NHS: variants seen among roughly 807,000 people sequenced by gnomAD.
NHS encodes the protein NHS actin remodeling regulator, also known as actin remodeling regulator NHS.
In NHS, 5 loss-of-function variants were observed where a neutral mutation model predicts 72.5. The ratio of observed to expected loss-of-function variants is 0.07; its 90% CI spans 0.04 to 0.14. The LOEUF is 0.14. Among genes scored for constraint, NHS ranks in the 10% least tolerant of loss-of-function variants. The pLI is 1.00. For synonymous variants in NHS, 464 were observed against 547.7 expected (o/e 0.85, Z 2.13); for missense variants, 1,072 against 1,355.7 (o/e 0.79, Z 3.29).
chrX:17,610,560 T>C (rs2065705871), intron 1 of NHS, among the ~76,000 whole-genome samples: 1 of 112,076 alleles, frequency 8.9e-6, no homozygotes, highest in South Asian at 3.7e-4. Context: ...GGTCATCCTT[T>C]AGTGCTGCCA....
intron 1 of NHS, among the ~76,000 whole-genome samples, chrX:17,437,990 A>G (rs1440216011): frequency 8.9e-6 from 1 of 112,271 alleles, no homozygotes; most frequent in Non-Finnish European, 1.9e-5. Flanking sequence ...ATCATGCTGT[A>G]TGTGATAAAT....
Position 17,728,060 on chromosome X carries a change from A to G in NHS, c.3954A>G (p.Glu1318=). Residue 1318 remains glutamate, a synonymous_variant, in exon 7 of 9, where the codon GAA becomes GAG. Coordinates refer to ENST00000676302, the MANE Select transcript of NHS (RefSeq NM_001291867.2). ...SAGLEEVAQP[E]SVDVITSQSD... ...GTCTGGAGGAAGTTGCACAACCTGA[A>G]TCTGTGGATGTAATCACATCTCAGT... 8.3e-7 allele frequency: 1 copy of G among 1,211,721 alleles called. No homozygotes were observed. The highest frequency in any genetic ancestry group is 3.0e-5 in the East Asian group (1 of 33,844).
At chrX:17,555,172 C>T (rs768963972) in intron 1 of NHS, among the ~76,000 whole-genome samples, 1 of 109,064 alleles carries the variant, frequency 9.2e-6, no homozygotes, top group Non-Finnish European at 1.9e-5. Flanking sequence ...TGTGTTGATG[C>T]TGAGGGGGAC....
intron 1 of NHS, among the ~76,000 whole-genome samples, chrX:17,438,115 T>C (rs958451111): frequency 9.8e-5 from 11 of 112,473 alleles, no homozygotes; most frequent in African/African-American, 3.2e-4. Flanking sequence ...TTTGAAACTT[T>C]AGTGCATATG....
At chrX:17,708,966 A>G (rs759416241) in intron 3 of NHS, among the ~76,000 whole-genome samples, 1 of 111,342 alleles carries the variant, frequency 9.0e-6, no homozygotes, top group South Asian at 3.9e-4. Flanking sequence ...CTTTATGACA[A>G]TATCAGGGTA....
chrX:17,568,991 G>A (rs1373311337), intron 1 of NHS, among the ~76,000 whole-genome samples: 2 of 111,118 alleles, frequency 1.8e-5, no homozygotes, highest in African/African-American at 6.6e-5. Flanking sequence ...CAAAGGACAG[G>A]AACTCATCCT....
At chrX:17,660,993 T>C (rs1256270124) in intron 1 of NHS, among the ~76,000 whole-genome samples, 1 of 112,019 alleles carries the variant, frequency 8.9e-6, no homozygotes, top group African/African-American at 3.2e-5. Context: ...AGCAAGACTA[T>C]TATATTAATA....
chrX:17,564,577 A>G (rs60702547), intron 1 of NHS, among the ~76,000 whole-genome samples: 11,601 of 112,041 alleles, frequency 0.1, 1,477 homozygotes, highest in African/African-American at 0.35. Flanking sequence ...GCATGCTACA[A>G]TTGGCAATGT....
rs747742134 is a variant in NHS, at chrX:17,725,545, C to T, written c.1439C>T (p.Ala480Val). The part of the protein sequence containing the change: ...QSIAASLSHS[A>V]GNISALADKG... ...ATTGCAGCTTCCCTTTCTCATTCTG[C>T]TGGCAACATTTCTGCCCTAGCAGAC... is the stretch of plus-strand genomic sequence containing the variant. The change falls in exon 7 of 9, where the codon GCT becomes GTT. Residue 480 changes from alanine (A) to valine (V), a missense_variant. Physicochemically the swap from Ala to Val is moderately conservative, Grantham distance 64. Transcript: ENST00000676302. 1 of 1,211,922 alleles carries T rather than the reference C, an allele frequency of 8.3e-7. No homozygotes were observed. The highest frequency in any genetic ancestry group is 1.8e-5 in the South Asian group (1 of 56,982).
intron 1 of NHS, among the ~76,000 whole-genome samples, chrX:17,503,422 A>C (rs2065044239): frequency 8.9e-6 from 1 of 112,119 alleles, no homozygotes; most frequent in Non-Finnish European, 1.9e-5. Flanking sequence ...GTGTCAGGTC[A>C]TGTCCTGTGT....
At chrX:17,719,116 AAGG>A in intron 3 of NHS, 1 of 311,845 alleles carries the variant, frequency 3.2e-6, no homozygotes. Flanking sequence ...GGAAGGAAAG[AAGG>A]AAGAAATAAG....
chrX:17,541,949 T>C (rs2065266340), intron 1 of NHS, among the ~76,000 whole-genome samples: 1 of 111,921 alleles, frequency 8.9e-6, no homozygotes, highest in East Asian at 2.8e-4. Flanking sequence ...TCGCCTTGCT[T>C]AGCTCTTGCC....
chrX:17,470,143 A>T (rs1340076989), intron 1 of NHS, among the ~76,000 whole-genome samples: 1 of 110,316 alleles, frequency 9.1e-6, no homozygotes, highest in Non-Finnish European at 1.9e-5. Flanking sequence ...GCGTGTTCTT[A>T]TCCCTATTTA....
chrX:17,465,629 A>T (rs1249511579), intron 1 of NHS, among the ~76,000 whole-genome samples: 1 of 110,973 alleles, frequency 9.0e-6, no homozygotes, highest in Non-Finnish European at 1.9e-5. Flanking sequence ...AAAAAAAAAA[A>T]AAAATTACTC....
In NHS at chrX:17,490,033, C is replaced by G. The variant is rs146122713; in HGVS notation, c.565+113711C>G. Among the ~76,000 whole-genome samples the G allele has an allele frequency of 4.7e-3, 525 of 111,687 alleles. 3 individuals are homozygous for G. Among genetic ancestry groups the G allele is most frequent in the Middle Eastern group, 0.019 (4 of 216 alleles). ...TAGATTCTAGATATTAGCCCTTTGT[C>G]AGATCAATAGATTACAAAAATGTTC... On this transcript the variant is annotated intron_variant, in intron 1 of 8. Transcript: ENST00000676302.
chrX:17,435,645 A>G (rs982615626), intron 1 of NHS, among the ~76,000 whole-genome samples: 37 of 113,186 alleles, frequency 3.3e-4, no homozygotes, highest in African/African-American at 1.2e-3. Flanking sequence ...GCCAAAGGGC[A>G]AGCCCTGCTC....
chrX:17,562,518 A>T (rs1372335789), intron 1 of NHS, among the ~76,000 whole-genome samples: 1 of 111,594 alleles, frequency 9.0e-6, no homozygotes, highest in Non-Finnish European at 1.9e-5. Context: ...AGTCAGGTGC[A>T]GTGAACTGAG....
chrX:17,656,265 G>A (rs975285344), intron 1 of NHS, among the ~76,000 whole-genome samples: 1 of 113,279 alleles, frequency 8.8e-6, no homozygotes, highest in African/African-American at 3.2e-5. Context: ...GCCCAGGGCC[G>A]AGCCTGAGCC....
intron 5 of NHS, among the ~76,000 whole-genome samples, chrX:17,722,325 G>A (rs1341569131): frequency 1.8e-5 from 2 of 112,101 alleles, no homozygotes; most frequent in East Asian, 5.6e-4. Flanking sequence ...GTAAAATAAT[G>A]TTATAAAATA....
Sources: gnomAD v4.1 joint callset for allele counts (sites outside exome capture counted in the v4.1 genomes callset) on GRCh38, gnomAD v4.1.1 for gene constraint, MANE v1.5 for transcripts, NCBI Gene and HGNC (gene_info 2026-07-23, HGNC 2026-07-21) for gene names.